The following NOP14 variants were observed in gnomAD, a reference collection of about 807,000 sequenced individuals.
The protein encoded by NOP14 is nucleolar protein 14.
A neutral mutation model predicts 101.6 loss-of-function variants in NOP14; 57 were observed. That is an observed-to-expected ratio of 0.56 (90% CI 0.45 to 0.70). The LOEUF (loss-of-function observed/expected upper bound fraction) is 0.70. Among genes scored for constraint, NOP14 ranks in the 30% least tolerant of loss-of-function variants. The pLI is 0.00. For missense variants in NOP14, 1,134 were observed against 1,075.5 expected (o/e 1.05, Z -0.76); for synonymous variants, 428 against 424.0 (o/e 1.01, Z -0.12).
At chr4:2,959,438 A>G (rs1715567222) in intron 1 of NOP14, among the ~76,000 whole-genome samples, 1 of 148,604 alleles carries the variant, frequency 6.7e-6, no homozygotes, top group Non-Finnish European at 1.5e-5. Context: ...TAAAAATACA[A>G]AAAAATTAGC....
chr4:2,941,384 A>G, intron 15 of NOP14, 198 bp downstream of exon 15: 1 of 579,266 alleles, frequency 1.7e-6, no homozygotes, highest in South Asian at 2.1e-5. Context: ...GAGATGCAGC[A>G]TCTGCTTTAC....
rs898285068 is a variant in NOP14, at chr4:2,938,787, T to C, written c.*44A>G. The C allele has an allele frequency of 6.7e-7, 1 of 1,497,630 alleles. No individual in the cohort carries two copies. Among genetic ancestry groups the C allele is most frequent in the Non-Finnish European group, 9.3e-7 (1 of 1,077,900 alleles). The allele number at this position is 1,497,630 out of a possible 1,614,324, so 92.8% of individuals were successfully genotyped here. ...CCTCCCAGAGGGTTGGAATTGCAGA[T>C]GTGAGGTAATGTCCAGTTCCTTGCC... On this transcript the variant is annotated 3_prime_UTR_variant, in exon 18 of 18. Transcript: ENST00000416614.
At chr4:2,959,793 G>A (rs1276114482) in intron 1 of NOP14, among the ~76,000 whole-genome samples, 1 of 152,118 alleles carries the variant, frequency 6.6e-6, no homozygotes, top group African/African-American at 2.4e-5. Flanking sequence ...ACTGAATCAG[G>A]TTAAGCTCTC....
Position 2,938,322 on chromosome 4 carries a change from A to G in NOP14, c.*509T>C, listed in dbSNP as rs1453694895. The G allele has an allele frequency of 2.7e-6, 2 of 731,818 alleles. No individual in the cohort carries two copies. The highest frequency in any genetic ancestry group is 2.5e-5 in the Admixed American group (1 of 40,360). The allele number at this position is 731,818 out of a possible 1,614,324, so 45.3% of individuals were successfully genotyped here. On this transcript the variant is annotated 3_prime_UTR_variant, in exon 18 of 18. Coordinates refer to ENST00000416614, the MANE Select transcript of NOP14 (RefSeq NM_001291978.2). Reference sequence around the variant, plus strand: ...GATTACCTGAGGTCGGGAATTCGAGACCAGCCTGACCAACATGGAGAAACC... The same window carrying G: ...GATTACCTGAGGTCGGGAATTCGAGGCCAGCCTGACCAACATGGAGAAACC...
intron 7 of NOP14, 49 bp from the exon 8 acceptor site, chr4:2,950,262 G>C: frequency 1.9e-6 from 3 of 1,589,420 alleles, no homozygotes; most frequent in South Asian, 1.1e-5. Context: ...CGGAGACAAC[G>C]CTGGACCATC....
At chr4:2,953,393 A>C in intron 5 of NOP14, 118 bp downstream of exon 5, 1 of 1,086,250 alleles carries the variant, frequency 9.2e-7, no homozygotes, top group Admixed American at 2.3e-5. Context: ...AATGTTCAAC[A>C]GAAACTTGCC....
At position 2,939,205 on chromosome 4, in the gene NOP14, G is replaced by C; in HGVS notation, c.2457C>G (p.Leu819=). Residue 819 remains leucine (L), a synonymous_variant, in exon 17 of 18, where the codon CTC becomes CTG. Coordinates refer to ENST00000416614, the MANE Select transcript of NOP14 (RefSeq NM_001291978.2). The part of the protein sequence containing the change: ...KDNQFLARMQ[L]SEIMERDAER... ...CCCCTCACCGTTCCATGATTTCTGAGAGTTGCATCCTCGCCAGGAACTGAT... is the reference window on the plus strand; with the variant it reads ...CCCCTCACCGTTCCATGATTTCTGACAGTTGCATCCTCGCCAGGAACTGAT... The C allele has an allele frequency of 6.2e-7, 1 of 1,614,002 alleles. No individual in the cohort carries two copies. The highest frequency in any genetic ancestry group is 8.5e-7 in the Non-Finnish European group (1 of 1,180,040).
chr4:2,961,208 A>ATTATAATG (rs1437238335), intron 1 of NOP14: 1 of 100 alleles, frequency 0.01, no homozygotes, highest in Non-Finnish European at 0.028. Context: ...TTATAATAAT[A>ATTATAATG]TATTAATATA....
At chr4:2,952,419 C>T in intron 5 of NOP14, 22 bp from the exon 6 acceptor site, 1 of 1,553,528 alleles carries the variant, frequency 6.4e-7, no homozygotes, top group Non-Finnish European at 8.7e-7. Context: ...AGAAGAAATT[C>T]TTCATTTTAA....
At chr4:2,961,189 A>ATATCAATAT (rs1443209444) in intron 1 of NOP14, among the ~76,000 whole-genome samples, 2 of 6,438 alleles carry the variant, frequency 3.1e-4, no homozygotes, top group African/African-American at 1.5e-3. Context: ...ATATATTAAT[A>ATATCAATAT]TGCTAATATT....
chr4:2,946,285 G>C (rs911584419), intron 11 of NOP14, 127 bp downstream of exon 11: 6 of 1,099,764 alleles, frequency 5.5e-6, no homozygotes, highest in Non-Finnish European at 8.0e-6. Flanking sequence ...TCGCTGCCGT[G>C]CAGCTCACTC....
rs1713809217 is a variant in NOP14, at chr4:2,938,242, C to T, written c.*589G>A. On this transcript the variant is annotated 3_prime_UTR_variant, in exon 18 of 18. Transcript: ENST00000416614. ...AGCATTATTACTCTAAAAAAAATTA[C>T]TTTTTTGGCTGGGTGCTGTGGCTCA... 1.6e-6 allele frequency: 2 copies of T among 1,288,436 alleles called. No individual in the cohort carries two copies. Among genetic ancestry groups the T allele is most frequent in the Admixed American group, 2.3e-5 (1 of 43,458 alleles). 79.8% of individuals were successfully genotyped at this position (1,288,436 alleles called of 1,614,324 possible).
chr4:2,962,485 G>C (rs1436422092), intron 1 of NOP14, among the ~76,000 whole-genome samples: 3 of 152,052 alleles, frequency 2.0e-5, no homozygotes, highest in African/African-American at 7.2e-5. Context: ...TTATCTCCCC[G>C]AACCTAGAAG....
Position 2,942,213 on chromosome 4 carries a change from G to A in NOP14, c.2030C>T (p.Ser677Leu), listed in dbSNP as rs1560295335. 7 of 1,614,132 alleles carry A rather than the reference G, an allele frequency of 4.3e-6. No individual in the cohort carries two copies. Among genetic ancestry groups the A allele is most frequent in the South Asian group, 2.2e-5 (2 of 91,088 alleles). Reference sequence around the variant, plus strand: ...ATACCGGATGTGATTGGCCTCTGTCGAAGTTGGGGCCCTCAGTCTACTCGC... The same window carrying A: ...ATACCGGATGTGATTGGCCTCTGTCAAAGTTGGGGCCCTCAGTCTACTCGC... ...RWASRLRAPT[S>L]TEANHIRLSC... Residue 677 changes from serine (S) to leucine (L), a missense_variant, in exon 14 of 18, where the codon TCG becomes TTG. By Grantham distance (145) the Ser-to-Leu change is moderately radical (BLOSUM62 -2). Coordinates refer to ENST00000416614, the MANE Select transcript of NOP14 (RefSeq NM_001291978.2).
chr4:2,940,441 G>A (rs1386542421), intron 15 of NOP14: 1 of 152,242 alleles, frequency 6.6e-6, no homozygotes, highest in Non-Finnish European at 1.5e-5. Context: ...CCGAGACCAT[G>A]AGACCTGCTG....
At chr4:2,944,981 G>C (rs765477032) in intron 12 of NOP14, 147 bp downstream of exon 12, 10 of 587,624 alleles carry the variant, frequency 1.7e-5, no homozygotes, top group Non-Finnish European at 2.7e-5. Context: ...GGCTCTTTTA[G>C]ATGGGCCCTC....
Position 2,946,448 on chromosome 4 carries a change from C to T in NOP14, c.1599G>A (p.Glu533=). The T allele has an allele frequency of 1.2e-6, 2 of 1,614,270 alleles. No homozygotes were observed. Among genetic ancestry groups the T allele is most frequent in the African/African-American group, 1.3e-5 (1 of 75,074 alleles). ...DAMHEMEEMI[E]TKGRAALPGL... Reference sequence around the variant, plus strand: ...CTGGCAATGCCGCCCGGCCTTTGGTCTCAATCATTTCTTCCATCTCATGCA... The same window carrying T: ...CTGGCAATGCCGCCCGGCCTTTGGTTTCAATCATTTCTTCCATCTCATGCA... The change falls in exon 11 of 18, where the codon GAG becomes GAA. Residue 533 remains glutamate (E), a synonymous_variant. Coordinates refer to ENST00000416614, the MANE Select transcript of NOP14 (RefSeq NM_001291978.2).
Position 2,946,421 on chromosome 4 carries a change from C to G in NOP14, c.1626G>C (p.Gly542=). The change falls in exon 11 of 18, where the codon GGG becomes GGC. Residue 542 remains glycine, a synonymous_variant. Transcript: ENST00000416614. ...IETKGRAALP[G]LDVLIYLKIT... is the part of the protein sequence containing the mutation. The stretch of plus-strand genomic sequence containing the variant: ...ACTGAACTCTGCTTACCACATCCAA[C>G]CCTGGCAATGCCGCCCGGCCTTTGG... 6.2e-7 allele frequency: 1 copy of G among 1,614,246 alleles called. No homozygotes were observed.
In NOP14 at chr4:2,963,395, G is replaced by T; in HGVS notation, c.-76C>A. 1 of 1,400,282 alleles carries T rather than the reference G, an allele frequency of 7.1e-7. No homozygotes were observed. Among genetic ancestry groups the T allele is most frequent in the Non-Finnish European group, 9.3e-7 (1 of 1,071,618 alleles). 86.7% of individuals were successfully genotyped at this position (1,400,282 alleles called of 1,614,324 possible). ...GCGCGCTACCCTAAGACACGTGCCG[G>T]GCCGCGGAACCGCTTCCTCGTCTCG... On this transcript the variant is annotated 5_prime_UTR_variant, in exon 1 of 18. Coordinates refer to ENST00000416614, the MANE Select transcript of NOP14 (RefSeq NM_001291978.2).
Sources: gnomAD v4.1 joint callset for allele counts (sites outside exome capture counted in the v4.1 genomes callset) on GRCh38, gnomAD v4.1.1 for gene constraint, MANE v1.5 for transcripts, NCBI Gene and HGNC (gene_info 2026-07-23, HGNC 2026-07-21) for gene names.